The following FAR2 variants were observed in gnomAD, a reference collection of about 807,000 sequenced individuals.
The protein encoded by FAR2 is fatty acyl-CoA reductase 2, also known as epididymis secretory protein Li 81.
In FAR2, 19 loss-of-function variants were observed where a neutral mutation model predicts 56.0. The observed-to-expected ratio is 0.34, with a 90% CI of 0.24 to 0.50. The LOEUF (loss-of-function observed/expected upper bound fraction) is 0.50, where lower values mean the gene tolerates loss of function less well. Ranked by LOEUF, FAR2 falls within the 20% of genes least tolerant of loss-of-function variation. The probability of loss-of-function intolerance (pLI) is 0.98; values close to 1 mark genes in which losing one functional copy is unlikely to be tolerated. For missense variants in FAR2, 508 were observed against 642.2 expected (o/e 0.79, Z 2.26); for synonymous variants, 219 against 218.8 (o/e 1.00, Z -0.01).
chr12:29,269,097 C>T (rs1948569085), intron 1 of FAR2, among the ~76,000 whole-genome samples: 1 of 152,052 alleles, frequency 6.6e-6, no homozygotes, highest in Non-Finnish European at 1.5e-5. Context: ...ACCGGTCTGA[C>T]CAAAATTATT....
At chr12:29,253,285 C>CTA (rs1565489438) in intron 1 of FAR2, among the ~76,000 whole-genome samples, 2 of 77,148 alleles carry the variant, frequency 2.6e-5, no homozygotes, top group Non-Finnish European at 5.5e-5. Context: ...ATATCGATAT[C>CTA]TATATCTATC....
At chr12:29,251,558 C>A (rs1591892047) in intron 1 of FAR2, among the ~76,000 whole-genome samples, 1 of 152,126 alleles carries the variant, frequency 6.6e-6, no homozygotes, top group South Asian at 2.1e-4. Context: ...AGACCCCTAA[C>A]CTGTACTGTG....
At chr12:29,332,307 C>G (rs888246401) in intron 10 of FAR2, among the ~76,000 whole-genome samples, 1 of 152,154 alleles carries the variant, frequency 6.6e-6, no homozygotes, top group Non-Finnish European at 1.5e-5. Flanking sequence ...GAAATATATA[C>G]CAAGCCAACC....
At chr12:29,310,405 T>C (rs1403456751) in intron 6 of FAR2, among the ~76,000 whole-genome samples, 1 of 152,162 alleles carries the variant, frequency 6.6e-6, no homozygotes, top group Admixed American at 6.6e-5. Context: ...TTAACATGAA[T>C]AATTCCTAAT....
intron 1 of FAR2, among the ~76,000 whole-genome samples, chr12:29,218,931 G>A (rs1464636074): frequency 2.0e-5 from 3 of 151,888 alleles, no homozygotes; most frequent in Non-Finnish European, 2.9e-5. Context: ...TTGCTCTGTC[G>A]CCCAGGCTGG....
chr12:29,277,961 G>T (rs7314594), intron 2 of FAR2: 18,263 of 141,120 alleles, frequency 0.13, 1,307 homozygotes, highest in Middle Eastern at 0.27. Flanking sequence ...TTGAGATAGG[G>T]TCTCACTCTG....
chr12:29,212,574 G>A (rs1947563786), intron 1 of FAR2, among the ~76,000 whole-genome samples: 1 of 151,964 alleles, frequency 6.6e-6, no homozygotes, highest in Admixed American at 6.6e-5. Context: ...CCCCAAATTT[G>A]TGTCCAGCTT....
intron 1 of FAR2, among the ~76,000 whole-genome samples, chr12:29,159,901 T>C (rs1949766457): frequency 6.6e-6 from 1 of 152,222 alleles, no homozygotes; most frequent in Admixed American, 6.5e-5. Flanking sequence ...AATCTTGGCA[T>C]AGGATCAGTA....
chr12:29,179,591 C>G (rs1357112329), intron 1 of FAR2, among the ~76,000 whole-genome samples: 1 of 152,158 alleles, frequency 6.6e-6, no homozygotes, highest in Non-Finnish European at 1.5e-5. Flanking sequence ...TGTTCACTTT[C>G]CACAACATCA....
intron 1 of FAR2, among the ~76,000 whole-genome samples, chr12:29,236,817 A>T (rs1947950662): frequency 6.6e-6 from 1 of 150,858 alleles, no homozygotes; most frequent in Non-Finnish European, 1.5e-5. Context: ...GTGGGACAGG[A>T]AATTGAAAAT....
At chr12:29,267,234 A>G (rs548350705) in intron 1 of FAR2, among the ~76,000 whole-genome samples, 1 of 152,348 alleles carries the variant, frequency 6.6e-6, no homozygotes, top group African/African-American at 2.4e-5. Context: ...TTTAAAATAA[A>G]TGCCAAAAAG....
chr12:29,312,265 T>A lies in FAR2; in HGVS notation c.955+315T>A, dbSNP rs114213249. On this transcript the variant is annotated intron_variant, in intron 8 of 11. Coordinates refer to ENST00000536681, the MANE Select transcript of FAR2 (RefSeq NM_001271783.2). ...TGTCAGTGATAAAATACTGAAATAC[T>A]CCTCCCTGTTGGAGCAATGGCTCCT... is the stretch of plus-strand genomic sequence containing the variant. Among the ~76,000 whole-genome samples the A allele has an allele frequency of 8.0e-3, 1,224 of 152,234 alleles. 10 individuals carry two copies. The highest frequency in any genetic ancestry group is 0.028 in the African/African-American group (1,162 of 41,542).
chr12:29,199,146 G>A (rs967255278), intron 1 of FAR2, among the ~76,000 whole-genome samples: 1 of 152,182 alleles, frequency 6.6e-6, no homozygotes, highest in African/African-American at 2.4e-5. Context: ...TATGTTAGGA[G>A]AAAGGGTAGA....
At chr12:29,283,771 G>C (rs577914778) in intron 2 of FAR2, among the ~76,000 whole-genome samples, 2 of 152,244 alleles carry the variant, frequency 1.3e-5, no homozygotes, top group East Asian at 3.9e-4. Context: ...CCGAGCTGCT[G>C]TTTCATCTCT....
At chr12:29,233,089 A>G (rs1178325095) in intron 1 of FAR2, among the ~76,000 whole-genome samples, 1 of 152,024 alleles carries the variant, frequency 6.6e-6, no homozygotes, top group Non-Finnish European at 1.5e-5. Flanking sequence ...CTTGGCTTCA[A>G]TACCATTTCT....
intron 1 of FAR2, among the ~76,000 whole-genome samples, chr12:29,223,005 A>G (rs1380972631): frequency 6.6e-6 from 1 of 152,158 alleles, no homozygotes; most frequent in African/African-American, 2.4e-5. Flanking sequence ...GGTAATGAAA[A>G]TATTTGTAGT....
intron 1 of FAR2, among the ~76,000 whole-genome samples, chr12:29,196,214 C>T (rs914707254): frequency 6.6e-5 from 10 of 151,940 alleles, no homozygotes; most frequent in African/African-American, 1.5e-4. Context: ...GGTAGATACT[C>T]GGTAGTGGAT....
At chr12:29,237,034 TTAAAGA>T (rs1947953645) in intron 1 of FAR2, among the ~76,000 whole-genome samples, 1 of 152,134 alleles carries the variant, frequency 6.6e-6, no homozygotes, top group Admixed American at 6.6e-5. Context: ...GTGTAATCAG[TTAAAGA>T]TAAAGACTTC....
intron 1 of FAR2, among the ~76,000 whole-genome samples, chr12:29,176,274 C>T (rs1007798199): frequency 2.0e-5 from 3 of 152,090 alleles, no homozygotes; most frequent in African/African-American, 7.2e-5. Context: ...AATAATTGTT[C>T]ATTTGCTTTT....
Sources: allele counts gnomAD v4.1 joint callset (sites outside exome capture counted in the v4.1 genomes callset), GRCh38; gene constraint gnomAD v4.1.1; transcripts MANE v1.5; gene names NCBI Gene and HGNC (gene_info 2026-07-23, HGNC 2026-07-21).